The following SEC16B variants were observed in gnomAD, a reference collection of about 807,000 sequenced individuals.
SEC16B encodes the protein SEC16 homolog B, endoplasmic reticulum export factor.
A neutral mutation model predicts 141.8 loss-of-function variants in SEC16B; 115 were observed. The ratio of observed to expected loss-of-function variants is 0.81; its 90% confidence interval spans 0.70 to 0.95. The LOEUF is 0.95. Ranked by LOEUF, SEC16B falls within the 40% of genes least tolerant of loss-of-function variation. The probability of loss-of-function intolerance (pLI) is 0.00; values close to 1 mark genes in which losing one functional copy is unlikely to be tolerated. For missense variants in SEC16B, 1,291 were observed against 1,312.3 expected (o/e 0.98, Z 0.25); for synonymous variants, 493 against 492.5 (o/e 1.00, Z -0.01).
intron 15 of SEC16B, 145 bp from the exon 16 acceptor site, chr1:177,942,185 A>AT: frequency 2.3e-6 from 2 of 861,416 alleles, no homozygotes; most frequent in South Asian, 3.8e-5. Flanking sequence ...CATTTGGAGC[A>AT]TTTTATCTAT....
rs139706365 is a variant in SEC16B at position 177,937,073 on chromosome 1, G to A, written c.2503+141C>T. 4,224 of 905,728 alleles carry A rather than the reference G, an allele frequency of 4.7e-3. 21 individuals are homozygous for A. The highest frequency in any genetic ancestry group is 5.3e-3 in the Non-Finnish European group (3,263 of 616,408). The allele number at this position is 905,728 out of a possible 1,614,324, so 56.1% of individuals were successfully genotyped here. On this transcript the variant is annotated intron_variant, in intron 19 of 25. Coordinates refer to ENST00000308284, the MANE Select transcript of SEC16B (RefSeq NM_033127.4). ...GTGGCTGAAAACTAGCAGGCCCTCC[G>A]TAACGGGCACACATCCACGCATCTG...
intron 12 of SEC16B, among the ~76,000 whole-genome samples, chr1:177,949,364 G>A (rs10798583): frequency 0.7 from 102,998 of 146,906 alleles, 36,184 homozygotes; most frequent in African/African-American, 0.83. Context: ...CCAGCAAAAG[G>A]GAAGGAAATC....
chr1:177,981,447 G>A (rs1654411244), intron 1 of SEC16B, among the ~76,000 whole-genome samples: 1 of 152,152 alleles, frequency 6.6e-6, no homozygotes, highest in South Asian at 2.1e-4. Context: ...TTCTCACTGG[G>A]TTGACTGACA....
At chr1:177,961,508 T>C in intron 6 of SEC16B, 82 bp downstream of exon 6, 1 of 1,468,098 alleles carries the variant, frequency 6.8e-7, no homozygotes, top group Non-Finnish European at 9.2e-7. Context: ...TGATCCATCG[T>C]AAGGCTGACT....
upstream of SEC16B, chr1:177,971,359 C>G (rs10913476): frequency 0.15 from 22,066 of 152,112 alleles, 1,954 homozygotes; most frequent in East Asian, 0.42. Flanking sequence ...GGATTACAGG[C>G]GTAAGCCACC....
intron 14 of SEC16B, chr1:177,945,288 C>G (rs1296079862): frequency 6.6e-6 from 1 of 152,212 alleles, no homozygotes; most frequent in East Asian, 1.9e-4. Flanking sequence ...AAAATTTCTC[C>G]CATCAACAAC....
intron 1 of SEC16B, among the ~76,000 whole-genome samples, chr1:177,979,045 G>A (rs1407470847): frequency 1.3e-5 from 2 of 152,142 alleles, no homozygotes; most frequent in East Asian, 1.9e-4. Context: ...AATTCACAGA[G>A]TGTGTCAGTA....
rs1171917677 is a variant in SEC16B at position 177,946,411 on chromosome 1, G to C, written c.1775+9C>G. 1 of 1,545,604 alleles carries C rather than the reference G, an allele frequency of 6.5e-7. No individual in the cohort carries two copies. The highest frequency in any genetic ancestry group is 2.4e-5 in the East Asian group (1 of 41,314). ...GTCCTTACTGTTTCCTTTCTCCCAGGTCGCATACCTGTGGCTGCTGCCCAG... is the reference window on the plus strand; with the variant it reads ...GTCCTTACTGTTTCCTTTCTCCCAGCTCGCATACCTGTGGCTGCTGCCCAG... On this transcript the variant is annotated intron_variant, in intron 14 of 25. Transcript: ENST00000308284.
At chr1:177,940,552 G>T in intron 17 of SEC16B, 58 bp downstream of exon 17, 3 of 1,213,424 alleles carry the variant, frequency 2.5e-6, no homozygotes, top group Non-Finnish European at 2.4e-6. Context: ...ATGTCTAGGG[G>T]TGGGAAGAGG....
At position 177,968,057 on chromosome 1, in the gene SEC16B, A is replaced by T. The variant is rs1653696177; in HGVS notation, c.-58-18T>A. On this transcript the variant is annotated intron_variant, in intron 1 of 25. Transcript: ENST00000308284. ...TTATCTTCCTGCAGACAAAAGAAAA[A>T]GGAAAAAATCATCACTTGAAGCCTA... The T allele has an allele frequency of 2.1e-6, 3 of 1,418,034 alleles. No individual in the cohort carries two copies. 87.8% of individuals were successfully genotyped at this position (1,418,034 alleles called of 1,614,324 possible). A position where few individuals can be genotyped will look rare whatever the true frequency, so the allele number is the denominator to read the frequency against.
At chr1:177,967,445 G>T (rs1469261834) in intron 2 of SEC16B, among the ~76,000 whole-genome samples, 1 of 152,140 alleles carries the variant, frequency 6.6e-6, no homozygotes, top group Non-Finnish European at 1.5e-5. Flanking sequence ...ATACCCAGTG[G>T]CATTTGTGAT....
chr1:177,932,477 G>T lies in SEC16B; in HGVS notation c.3012+13C>A. On this transcript the variant is annotated intron_variant, in intron 24 of 25. Transcript: ENST00000308284. ...GCTGGGGTCCGAGGCTCCAGCCCAG[G>T]GGGGCCGCTTACCTCTGGTCCAGAC... The T allele has an allele frequency of 6.6e-7, 1 of 1,522,964 alleles. No individual in the cohort carries two copies. Among genetic ancestry groups the T allele is most frequent in the South Asian group, 1.3e-5 (1 of 79,140 alleles). 94.3% of individuals were successfully genotyped at this position (1,522,964 alleles called of 1,614,324 possible).
intron 8 of SEC16B, chr1:177,959,213 A>C: frequency 1.9e-6 from 1 of 515,216 alleles, no homozygotes; most frequent in Non-Finnish European, 3.5e-6. Context: ...ACAGAGGCTC[A>C]GAGACCTGAA....
At chr1:177,948,211 C>T (rs1180261787) in intron 12 of SEC16B, among the ~76,000 whole-genome samples, 1 of 152,140 alleles carries the variant, frequency 6.6e-6, no homozygotes, top group Admixed American at 6.5e-5. Flanking sequence ...TGACATTGCT[C>T]ACTTACTATT....
chr1:177,958,019 T>C lies in SEC16B; in HGVS notation c.1365+113A>G, dbSNP rs1571337595. 3 of 632,658 alleles carry C rather than the reference T, an allele frequency of 4.7e-6. No individual in the cohort carries two copies. The East Asian group carries it at 1.0e-4, about 22-fold the overall frequency. The allele number at this position is 632,658 out of a possible 1,614,324, so 39.2% of individuals were successfully genotyped here. A position where few individuals can be genotyped will look rare whatever the true frequency, so the allele number is the denominator to read the frequency against. On this transcript the variant is annotated intron_variant, in intron 10 of 25. Transcript: ENST00000308284. Reference sequence around the variant, plus strand: ...CTTTGTTCTGTCTTTCCGAACTTCTTGCATCCTCCCTGAAATGAGTATATA... The same window carrying C: ...CTTTGTTCTGTCTTTCCGAACTTCTCGCATCCTCCCTGAAATGAGTATATA...
At chr1:177,936,820 C>T (rs777063504) in intron 19 of SEC16B, among the ~76,000 whole-genome samples, 1 of 152,186 alleles carries the variant, frequency 6.6e-6, no homozygotes, top group African/African-American at 2.4e-5. Context: ...GGGACCAAGA[C>T]AGAAACATGG....
intron 10 of SEC16B, 121 bp downstream of exon 10, chr1:177,958,011 G>T: frequency 1.7e-6 from 1 of 571,822 alleles, no homozygotes; most frequent in South Asian, 9.0e-5. Flanking sequence ...CTGTCTTTCC[G>T]AACTTCTTGC....
chr1:177,942,419 A>C (rs1464913243), intron 15 of SEC16B, among the ~76,000 whole-genome samples: 2 of 152,194 alleles, frequency 1.3e-5, no homozygotes. Flanking sequence ...GTGCTGGCTC[A>C]TGCCTTGGGA....
At chr1:177,937,607 G>A in intron 18 of SEC16B, 94 bp from the exon 19 acceptor site, 1 of 1,147,614 alleles carries the variant, frequency 8.7e-7, no homozygotes. Flanking sequence ...TGTCTTCTTT[G>A]GAAAGCAGTC....
Sources: gnomAD v4.1 joint callset for allele counts (sites outside exome capture counted in the v4.1 genomes callset) on GRCh38, gnomAD v4.1.1 for gene constraint, MANE v1.5 for transcripts, NCBI Gene and HGNC (gene_info 2026-07-23, HGNC 2026-07-21) for gene names.